PCDHGA1: variants seen among roughly 807,000 people sequenced by gnomAD.
The protein encoded by PCDHGA1 is protocadherin gamma-A1.
A neutral mutation model predicts 58.0 loss-of-function variants in PCDHGA1; 32 were observed. That is an observed-to-expected ratio of 0.55 (90% CI 0.42 to 0.74). The LOEUF (loss-of-function observed/expected upper bound fraction) is 0.74, where lower values mean the gene tolerates loss of function less well. PCDHGA1 is among the 30% of genes least tolerant of loss of function. The pLI, the probability that PCDHGA1 is intolerant of heterozygous loss-of-function variation, is 0.00. For missense variants in PCDHGA1, 1,205 were observed against 1,182.3 expected, an observed-to-expected ratio of 1.02 and a Z score of -0.28; for synonymous variants, 498 against 501.1, an observed-to-expected ratio of 0.99 and a Z score of 0.08.
In PCDHGA1 at chr5:141,432,733, C is replaced by T; in HGVS notation, c.2422-62074C>T. 1 of 1,614,094 alleles carries T rather than the reference C, an allele frequency of 6.2e-7. No individual in the cohort carries two copies. Among genetic ancestry groups the T allele is most frequent in the Middle Eastern group, 1.6e-4 (1 of 6,062 alleles). ...GCCAGCCCCCTCTCTCCGCCACTGTCACGCTCACCGTGGCCGTGGCCGACA... is the reference window on the plus strand; with the variant it reads ...GCCAGCCCCCTCTCTCCGCCACTGTTACGCTCACCGTGGCCGTGGCCGACA... On this transcript the variant is annotated intron_variant, in intron 1 of 3. Coordinates refer to ENST00000517417, the MANE Select transcript of PCDHGA1 (RefSeq NM_018912.3). The surrounding 1 kb of genome is among the most constrained non-coding windows in gnomAD (Gnocchi z 6.0).
intron 1 of PCDHGA1, chr5:141,410,167 T>C (rs372848702): frequency 6.2e-7 from 1 of 1,613,652 alleles, no homozygotes; most frequent in African/African-American, 1.3e-5. Context: ...CGCCACTCTC[T>C]GCCACCGCCA....
intron 1 of PCDHGA1, chr5:141,333,504 C>T: frequency 3.5e-6 from 1 of 288,372 alleles, no homozygotes; most frequent in East Asian, 7.7e-5. Context: ...TTTATAAGTA[C>T]CTGCTAATCT....
rs758066525 is a variant in PCDHGA1, at chr5:141,477,331, T to C, written c.2422-17476T>C. The C allele has an allele frequency of 7.4e-6, 12 of 1,614,024 alleles. No individual in the cohort carries two copies. In the East Asian group the frequency reaches 1.1e-4, roughly 15 times the overall value. Reference sequence around the variant, plus strand: ...TCAGCCTTACTTCTTCCCTCAAGAATTACTTCACTTTGAAAACCAGTGCAG... The same window carrying C: ...TCAGCCTTACTTCTTCCCTCAAGAACTACTTCACTTTGAAAACCAGTGCAG... On this transcript the variant is annotated intron_variant, in intron 1 of 3. Coordinates refer to ENST00000517417, the MANE Select transcript of PCDHGA1 (RefSeq NM_018912.3). This position sits in a 1 kb window ranked among gnomAD's most constrained non-coding sequence, Gnocchi z 4.9.
intron 1 of PCDHGA1, chr5:141,372,338 T>A: frequency 6.2e-7 from 1 of 1,613,820 alleles, no homozygotes; most frequent in South Asian, 1.1e-5. Flanking sequence ...CTGTGCGTGA[T>A]GGAGGACAGC....
At chr5:141,417,030 T>G (rs1460954160) in intron 1 of PCDHGA1, 1 of 86,454 alleles carries the variant, frequency 1.2e-5, no homozygotes, top group East Asian at 2.9e-4. Flanking sequence ...AAATACAGGT[T>G]TTTTTTTTAA....
At position 141,493,188 on chromosome 5, in the gene PCDHGA1, C is replaced by T. The variant is rs1292810486; in HGVS notation, c.2422-1619C>T. Among the ~76,000 whole-genome samples the T allele has an allele frequency of 2.6e-5, 4 of 152,216 alleles. No individual in the cohort carries two copies. Among genetic ancestry groups the T allele is most frequent in the Non-Finnish European group, 4.4e-5 (3 of 68,046 alleles). ...ATTGAGAGAAACTTACTATATAACT[C>T]CTTTGAGAACCTCATCTCATTTGCT... On this transcript the variant is annotated intron_variant, in intron 1 of 3. Coordinates refer to ENST00000517417, the MANE Select transcript of PCDHGA1 (RefSeq NM_018912.3). The surrounding 1 kb of genome is among the most constrained non-coding windows in gnomAD (Gnocchi z 4.3).
chr5:141,423,777 T>A, intron 1 of PCDHGA1: 1 of 1,159,844 alleles, frequency 8.6e-7, no homozygotes, highest in Non-Finnish European at 1.1e-6. Flanking sequence ...GGCATATATT[T>A]AGTTCATATA....
chr5:141,407,548 G>A (rs2094952527), intron 1 of PCDHGA1, among the ~76,000 whole-genome samples: 1 of 151,388 alleles, frequency 6.6e-6, no homozygotes, highest in Non-Finnish European at 1.5e-5. Context: ...GTAACAGATT[G>A]TAGAACATAA....
intron 1 of PCDHGA1, among the ~76,000 whole-genome samples, chr5:141,475,171 C>A (rs545499118): frequency 6.6e-6 from 1 of 152,164 alleles, no homozygotes; most frequent in African/African-American, 2.4e-5. Context: ...AGCAGTGCAA[C>A]TTCTTGTGGC....
chr5:141,478,623 G>A, intron 1 of PCDHGA1: 2 of 1,554,358 alleles, frequency 1.3e-6, no homozygotes, highest in Non-Finnish European at 1.7e-6. Flanking sequence ...GAATGGAGCT[G>A]TTTTTTTAGT....
In PCDHGA1 at chr5:141,491,681, C is replaced by A; in HGVS notation, c.2422-3126C>A. The A allele has an allele frequency of 6.2e-7, 1 of 1,613,458 alleles. No individual in the cohort carries two copies. Among genetic ancestry groups the A allele is most frequent in the Non-Finnish European group, 8.5e-7 (1 of 1,179,804 alleles). ...GACGCCATCCGGTCCCGCTCTAATA[C>A]GCTGCGGGAGCGGAGCCAGGTGAGG... On this transcript the variant is annotated intron_variant, in intron 1 of 3. Coordinates refer to ENST00000517417, the MANE Select transcript of PCDHGA1 (RefSeq NM_018912.3). This position sits in a 1 kb window ranked among gnomAD's most constrained non-coding sequence, Gnocchi z 6.9.
chr5:141,388,908 G>T, intron 1 of PCDHGA1: 2 of 1,613,892 alleles, frequency 1.2e-6, no homozygotes, highest in East Asian at 2.2e-5. Context: ...AAATGACAAC[G>T]CCCCAGAAGT....
chr5:141,387,926 G>A (rs888934094), intron 1 of PCDHGA1: 1 of 1,236,078 alleles, frequency 8.1e-7, no homozygotes, highest in South Asian at 1.5e-5. Context: ...CTGAGAGGCT[G>A]CCAGTGCTCT....
chr5:141,355,144 C>T (rs1759728329), intron 1 of PCDHGA1: 1 of 1,532,618 alleles, frequency 6.5e-7, no homozygotes, highest in East Asian at 2.3e-5. Context: ...TCCTGGGGCT[C>T]CTCAGGCCTC....
intron 1 of PCDHGA1, chr5:141,478,484 C>T (rs376021397): frequency 6.2e-7 from 1 of 1,613,458 alleles, no homozygotes; most frequent in South Asian, 1.1e-5. Flanking sequence ...GAACACGCTG[C>T]GGAGCTGTGA....
chr5:141,394,433 G>A lies in PCDHGA1; in HGVS notation c.2421+61328G>A, dbSNP rs1180818373. ...TAACAGCCAGCGACAGCGGGGACCC[G>A]CCCCTCAGCAGCAACATGTCACTGA... On this transcript the variant is annotated intron_variant, in intron 1 of 3. Coordinates refer to ENST00000517417, the MANE Select transcript of PCDHGA1 (RefSeq NM_018912.3). 3.7e-6 allele frequency: 6 copies of A among 1,614,088 alleles called. No homozygotes were observed. The East Asian group carries it at 8.9e-5, about 24-fold the overall frequency.
chr5:141,416,718 G>T lies in PCDHGA1; in HGVS notation c.2422-78089G>T, dbSNP rs1202204760. The T allele has an allele frequency of 5.9e-5, 9 of 152,308 alleles. No homozygotes were observed. In the East Asian group the frequency reaches 1.5e-3, roughly 26 times the overall value. The allele number at this position is 152,308 out of a possible 1,614,324, so 9.4% of individuals were successfully genotyped here. On this transcript the variant is annotated intron_variant, in intron 1 of 3. Transcript: ENST00000517417. ...AAAGGATCATTGGAGGTACTGATGAGTTCATTTAGTTCAATGAAAATAGTG... is the reference window on the plus strand; with the variant it reads ...AAAGGATCATTGGAGGTACTGATGATTTCATTTAGTTCAATGAAAATAGTG...
chr5:141,342,058 C>A (rs1757113228), intron 1 of PCDHGA1: 2 of 152,568 alleles, frequency 1.3e-5, no homozygotes, highest in Admixed American at 1.3e-4. Context: ...AAGTGACTGA[C>A]TTATCATCTG....
chr5:141,431,474 G>A lies in PCDHGA1; in HGVS notation c.2422-63333G>A, dbSNP rs747313827. 2 of 1,613,842 alleles carry A rather than the reference G, an allele frequency of 1.2e-6. No homozygotes were observed. Among genetic ancestry groups the A allele is most frequent in the East Asian group, 4.5e-5 (2 of 44,886 alleles). ...GATGGTTCTGGATGCGAACGACAACGCACCAGCGTTTGCTCAGCCCGAGTA... is the reference window on the plus strand; with the variant it reads ...GATGGTTCTGGATGCGAACGACAACACACCAGCGTTTGCTCAGCCCGAGTA... On this transcript the variant is annotated intron_variant, in intron 1 of 3. Coordinates refer to ENST00000517417, the MANE Select transcript of PCDHGA1 (RefSeq NM_018912.3). This position sits in a 1 kb window ranked among gnomAD's most constrained non-coding sequence, Gnocchi z 4.8.
Sources: allele counts gnomAD v4.1 joint callset (sites outside exome capture counted in the v4.1 genomes callset), GRCh38; gene constraint gnomAD v4.1.1; non-coding constraint Gnocchi (gnomAD v3.1); transcripts MANE v1.5; gene names NCBI Gene and HGNC (gene_info 2026-07-23, HGNC 2026-07-21).